GABRR1: variants seen among roughly 807,000 people sequenced by gnomAD.
GABRR1 encodes the protein gamma-aminobutyric acid type A receptor subunit rho1.
In GABRR1, 59 loss-of-function variants were observed where a neutral mutation model predicts 55.5. The ratio of observed to expected loss-of-function variants is 1.06; its 90% CI spans 0.86 to 1.32. The LOEUF (loss-of-function observed/expected upper bound fraction) is 1.32. GABRR1 is among the 40% of genes most tolerant of loss of function. The pLI is 0.00. For synonymous variants in GABRR1, 213 were observed against 226.0 expected, an observed-to-expected ratio of 0.94 and a Z score of 0.51; for missense variants, 602 against 619.1, an observed-to-expected ratio of 0.97 and a Z score of 0.29.
At chr6:89,205,511 A>G (rs1220867733) in intron 1 of GABRR1, 2 of 152,236 alleles carry the variant, frequency 1.3e-5, no homozygotes, top group Non-Finnish European at 2.9e-5. Flanking sequence ...TTGAACACCC[A>G]CTTTTATTTT....
intron 4 of GABRR1, among the ~76,000 whole-genome samples, chr6:89,198,981 G>A (rs1031953725): frequency 2.6e-5 from 4 of 152,070 alleles, no homozygotes; most frequent in South Asian, 2.1e-4. Context: ...GGGGGCGGGC[G>A]GGGGGAAAGG....
chr6:89,189,229 T>C (rs1006293520), intron 6 of GABRR1, among the ~76,000 whole-genome samples: 1 of 151,864 alleles, frequency 6.6e-6, no homozygotes, highest in Non-Finnish European at 1.5e-5. Context: ...TATTGCGGCA[T>C]TATTCACAAT....
At chr6:89,229,024 C>T (rs912331426) in intron 1 of GABRR1, among the ~76,000 whole-genome samples, 58 of 151,674 alleles carry the variant, frequency 3.8e-4, no homozygotes, top group Non-Finnish European at 7.5e-4. Context: ...TAATGGCCTT[C>T]TTTGTCTCTT....
intron 1 of GABRR1, among the ~76,000 whole-genome samples, chr6:89,216,210 G>A (rs1003378184): frequency 6.6e-6 from 1 of 152,194 alleles, no homozygotes; most frequent in African/African-American, 2.4e-5. Context: ...CCCATGTGAT[G>A]AGGGCTCCCT....
Position 89,211,635 on chromosome 6 carries a change from T to G in GABRR1, c.122+5566A>C, listed in dbSNP as rs371748858. 3.9e-5 allele frequency among the ~76,000 whole-genome samples: 6 copies of G among 152,220 alleles called. No individual in the cohort carries two copies. In the East Asian group the frequency reaches 7.7e-4, roughly 20 times the overall value. On this transcript the variant is annotated intron_variant, in intron 1 of 9. Coordinates refer to ENST00000454853, the MANE Select transcript of GABRR1 (RefSeq NM_002042.5). The stretch of plus-strand genomic sequence containing the variant: ...CTCCTTCTTAAAACCCTTGACACCT[T>G]GCTAGAACACCTTCCTAGTCGGAAG...
chr6:89,219,785 C>T (rs1300737794), upstream of GABRR1, among the ~76,000 whole-genome samples: 2 of 152,158 alleles, frequency 1.3e-5, no homozygotes, highest in Admixed American at 1.3e-4. Flanking sequence ...AAATCAAGCC[C>T]TTATTTGAAC....
intron 1 of GABRR1, among the ~76,000 whole-genome samples, chr6:89,206,024 G>A (rs1001221924): frequency 8.6e-5 from 13 of 151,762 alleles, no homozygotes; most frequent in Admixed American, 2.6e-4. Flanking sequence ...AGGCCAACTG[G>A]GGCCCTGCCC....
At chr6:89,226,121 T>C (rs1773199425) in intron 1 of GABRR1, among the ~76,000 whole-genome samples, 1 of 152,126 alleles carries the variant, frequency 6.6e-6, no homozygotes, top group African/African-American at 2.4e-5. Flanking sequence ...TGTTTGTTTT[T>C]TTCTTGTAAA....
rs539620663 is a variant in GABRR1, at chr6:89,202,578, C to A, written c.173+857G>T. 2.6e-5 allele frequency among the ~76,000 whole-genome samples: 4 copies of A among 152,206 alleles called. No individual in the cohort carries two copies. The South Asian group carries it at 8.3e-4, about 32-fold the overall frequency. ...AAAGTGCTGGAATTAAAGATGTGAG[C>A]CACCACACCTGGCCAGGTGTTGCTC... On this transcript the variant is annotated intron_variant, in intron 2 of 9. Transcript: ENST00000454853.
At chr6:89,226,611 T>A (rs1773207340) in intron 1 of GABRR1, among the ~76,000 whole-genome samples, 1 of 120,674 alleles carries the variant, frequency 8.3e-6, no homozygotes, top group African/African-American at 3.2e-5. Context: ...TCTGTTCTGT[T>A]CCATGGATCT....
At chr6:89,190,031 G>A in intron 6 of GABRR1, 134 bp downstream of exon 6, 1 of 514,664 alleles carries the variant, frequency 1.9e-6, no homozygotes, top group Non-Finnish European at 3.3e-6. Context: ...AGGCGACAGT[G>A]TGAGACTCCA....
intron 1 of GABRR1, among the ~76,000 whole-genome samples, chr6:89,211,605 A>C (rs111996311): frequency 0.018 from 2,640 of 150,542 alleles, 43 homozygotes; most frequent in Middle Eastern, 0.031. Flanking sequence ...CCTATTGACC[A>C]CTCCCTCCTT....
intron 5 of GABRR1, among the ~76,000 whole-genome samples, chr6:89,192,636 C>T (rs1346306069): frequency 6.0e-5 from 9 of 149,410 alleles, no homozygotes; most frequent in African/African-American, 1.2e-4. Context: ...GATCTCAACT[C>T]TGCAACCTCC....
At chr6:89,212,137 T>C (rs1772850226) in intron 1 of GABRR1, 1 of 618,138 alleles carries the variant, frequency 1.6e-6, no homozygotes. Context: ...CCTGCTCTCC[T>C]TCCTGGCATC....
At chr6:89,183,845 G>A (rs1771807693) in intron 7 of GABRR1, among the ~76,000 whole-genome samples, 1 of 152,124 alleles carries the variant, frequency 6.6e-6, no homozygotes, top group Admixed American at 6.6e-5. Context: ...TGGTATAGTG[G>A]ACACTGGAGA....
At chr6:89,230,493 C>A (rs1378438071) in intron 1 of GABRR1, among the ~76,000 whole-genome samples, 1 of 151,876 alleles carries the variant, frequency 6.6e-6, no homozygotes, top group Non-Finnish European at 1.5e-5. Context: ...ACAGGACCCT[C>A]AGCTGCAGGT....
At chr6:89,229,155 T>C (rs1773243676) in intron 1 of GABRR1, among the ~76,000 whole-genome samples, 1 of 152,112 alleles carries the variant, frequency 6.6e-6, no homozygotes, top group Admixed American at 6.5e-5. Flanking sequence ...CCTATGTGTG[T>C]CTCTGCACAT....
intron 7 of GABRR1, among the ~76,000 whole-genome samples, chr6:89,182,457 G>T (rs386285): frequency 0.69 from 104,771 of 151,906 alleles, 36,458 homozygotes; most frequent in Middle Eastern, 0.74. Context: ...CCCAGCTGAT[G>T]TTTAAATTTT....
intron 1 of GABRR1, among the ~76,000 whole-genome samples, chr6:89,211,509 T>C (rs966839625): frequency 6.6e-6 from 1 of 152,178 alleles, no homozygotes; most frequent in Non-Finnish European, 1.5e-5. Context: ...CTTCTTGGAA[T>C]GATCATTAAT....
Sources: allele counts gnomAD v4.1 joint callset (sites outside exome capture counted in the v4.1 genomes callset), GRCh38; gene constraint gnomAD v4.1.1; transcripts MANE v1.5; gene names NCBI Gene and HGNC (gene_info 2026-07-23, HGNC 2026-07-21).